Variants in DHX34 observed in about 807,000 individuals in gnomAD.
The protein encoded by DHX34 is DExH-box helicase 34.
DHX34 carries 96 observed loss-of-function variants against 111.1 expected under a neutral mutation model. The ratio of observed to expected loss-of-function variants is 0.86; its 90% CI spans 0.73 to 1.02. The LOEUF (loss-of-function observed/expected upper bound fraction) is 1.02, where lower values mean the gene tolerates loss of function less well. Among genes scored for constraint, DHX34 ranks in the 50% least tolerant of loss-of-function variants. The probability of loss-of-function intolerance (pLI) is 0.00; values close to 1 mark genes in which losing one functional copy is unlikely to be tolerated. For synonymous variants in DHX34, 688 were observed against 670.4 expected, an observed-to-expected ratio of 1.03 and a Z score of -0.41; for missense variants, 1,560 against 1,579.9, an observed-to-expected ratio of 0.99 and a Z score of 0.21.
Position 47,381,001 on chromosome 19 carries a change from G to A in DHX34, c.3159+9G>A, listed in dbSNP as rs1322042955. On this transcript the variant is annotated intron_variant, in intron 15 of 16. Transcript: ENST00000328771. ...CCTACAACTGCCTCACGGTAAGCAT[G>A]AACCCTCCTTCCCTGAAGGTGGGAT... 1.3e-6 allele frequency: 2 copies of A among 1,560,802 alleles called. No homozygotes were observed. Among genetic ancestry groups the A allele is most frequent in the African/African-American group, 2.7e-5 (2 of 73,144 alleles).
chr19:47,362,567 G>T lies in DHX34; in HGVS notation c.1467G>T (p.Lys489Asn). 6.2e-7 allele frequency: 1 copy of T among 1,613,366 alleles called. No homozygotes were observed. The highest frequency in any genetic ancestry group is 8.5e-7 in the Non-Finnish European group (1 of 1,179,802). ...GTCAGGCCAGCGCAGAGCAGCGGAAGGGCCGGGCGGGCCGCACGGGCCCCG... is the reference window on the plus strand; with the variant it reads ...GTCAGGCCAGCGCAGAGCAGCGGAATGGCCGGGCGGGCCGCACGGGCCCCG... ...WISQASAEQR[K>N]GRAGRTGPGV... Residue 489 changes from lysine (K) to asparagine (N), a missense_variant, in exon 6 of 17, where the codon AAG (lysine) becomes AAT (asparagine). Lys to Asn is a moderately conservative substitution (Grantham distance 94). Coordinates refer to ENST00000328771, the MANE Select transcript of DHX34 (RefSeq NM_014681.6).
intron 7 of DHX34, 94 bp from the exon 8 acceptor site, chr19:47,372,636 G>C: frequency 7.8e-7 from 1 of 1,280,746 alleles, no homozygotes; most frequent in Admixed American, 3.3e-5. Context: ...GTGGGAGCAG[G>C]AGGGCAGGCG....
chr19:47,366,938 C>T, intron 6 of DHX34, 43 bp from the exon 7 acceptor site: 1 of 1,505,998 alleles, frequency 6.6e-7, no homozygotes, highest in Non-Finnish European at 8.9e-7. Flanking sequence ...TGCACAGTGG[C>T]TCTTGTGTTC....
At chr19:47,370,025 C>G (rs1243115665) in intron 7 of DHX34, among the ~76,000 whole-genome samples, 1 of 152,138 alleles carries the variant, frequency 6.6e-6, no homozygotes, top group African/African-American at 2.4e-5. Context: ...TTGGGGCCAG[C>G]AGACCCTCTG....
At position 47,364,671 on chromosome 19, in the gene DHX34, G is replaced by A. The variant is rs117581181; in HGVS notation, c.1593+1978G>A. Among the ~76,000 whole-genome samples the A allele has an allele frequency of 6.8e-4, 103 of 152,266 alleles. No individual in the cohort carries two copies. In the East Asian group the frequency reaches 0.015, roughly 22 times the overall value. On this transcript the variant is annotated intron_variant, in intron 6 of 16. Coordinates refer to ENST00000328771, the MANE Select transcript of DHX34 (RefSeq NM_014681.6). ...GAGGATCGCTAGAGCCCAGGAGTTC[G>A]AGGCTGCAGTGAGCCTTGATTGCAT...
At chr19:47,365,504 A>G (rs1483731114) in intron 6 of DHX34, among the ~76,000 whole-genome samples, 6 of 152,110 alleles carry the variant, frequency 3.9e-5, no homozygotes, top group African/African-American at 1.4e-4. Context: ...TGCCTGCCTT[A>G]GCCTCCCAAA....
At chr19:47,379,076 C>T (rs1267796575) in intron 13 of DHX34, among the ~76,000 whole-genome samples, 3 of 151,666 alleles carry the variant, frequency 2.0e-5, no homozygotes, top group Non-Finnish European at 4.4e-5. Flanking sequence ...TTGCAGTGAG[C>T]CAAGATTGCG....
Position 47,362,505 on chromosome 19 carries a change from C to T in DHX34, c.1405C>T (p.Gln469Ter). 2 of 1,601,012 alleles carry T rather than the reference C, an allele frequency of 1.2e-6. No individual in the cohort carries two copies. Among genetic ancestry groups the T allele is most frequent in the South Asian group, 1.1e-5 (1 of 90,122 alleles). Residue 469 changes from glutamine (Q) to a stop codon, truncating the protein, a stop_gained, in exon 6 of 17, where the codon CAG becomes TAG. Coordinates refer to ENST00000328771, the MANE Select transcript of DHX34 (RefSeq NM_014681.6). LOFTEE classifies it high-confidence loss of function. ...GKVKEMSYDPQAKLQRLQEFW... is the reference protein window; with the variant it reads ...GKVKEMSYDP ...GGTGAAGGAGATGAGCTACGATCCGCAGGCCAAGCTGCAACGGCTGCAGGA... is the reference window on the plus strand; with the variant it reads ...GGTGAAGGAGATGAGCTACGATCCGTAGGCCAAGCTGCAACGGCTGCAGGA...
rs1969326491 is a variant in DHX34, at chr19:47,352,851, T to C, written c.-180T>C. On this transcript the variant is annotated 5_prime_UTR_variant, in exon 2 of 17. Transcript: ENST00000328771. ...TTTGTGTCACCAGCTCAAGCAGGCCTCTGGCCACTTTATCATCTGTGGTGG... is the reference window on the plus strand; with the variant it reads ...TTTGTGTCACCAGCTCAAGCAGGCCCCTGGCCACTTTATCATCTGTGGTGG... 1 of 1,333,006 alleles carries C rather than the reference T, an allele frequency of 7.5e-7. No individual in the cohort carries two copies. The highest frequency in any genetic ancestry group is 1.6e-5 in the South Asian group (1 of 63,114). The allele number at this position is 1,333,006 out of a possible 1,614,324, so 82.6% of individuals were successfully genotyped here.
rs1969570378 is a variant in DHX34, at chr19:47,359,809, A to G, written c.1273-159A>G. The G allele has an allele frequency of 3.1e-6, 3 of 980,364 alleles. No individual in the cohort carries two copies. In the African/African-American group the frequency reaches 5.3e-5, roughly 17 times the overall value. 60.7% of individuals were successfully genotyped at this position (980,364 alleles called of 1,614,324 possible). The stretch of plus-strand genomic sequence containing the variant: ...GGTGGGGGAGGGCCCAGGATGGCCC[A>G]GGTGATGGGGTGGACGGTGAGCCAT... On this transcript the variant is annotated intron_variant, in intron 4 of 16. Transcript: ENST00000328771.
At chr19:47,371,172 C>T (rs1469508483) in intron 7 of DHX34, among the ~76,000 whole-genome samples, 1 of 152,218 alleles carries the variant, frequency 6.6e-6, no homozygotes. Context: ...GCCCAGGAGG[C>T]TCCTGAGGGC....
Position 47,380,918 on chromosome 19 carries a change from A to C in DHX34, c.3085A>C (p.Ser1029Arg). 6.2e-7 allele frequency: 1 copy of C among 1,607,402 alleles called. No individual in the cohort carries two copies. The highest frequency in any genetic ancestry group is 8.5e-7 in the Non-Finnish European group (1 of 1,177,308). Residue 1029 changes from serine (S) to arginine (R), a missense_variant, in exon 15 of 17, where the codon AGC (serine) becomes CGC (arginine). Physicochemically the swap from Ser to Arg is moderately radical, Grantham distance 110 (BLOSUM62 -1). Coordinates refer to ENST00000328771, the MANE Select transcript of DHX34 (RefSeq NM_014681.6). ...ATPHLPGLFG[S>R]STLSPHPTKG... ...CCCCCATCTTCCTGGCCTCTTTGGC[A>C]GCTCCACCCTGTCCCCCCACCCCAC...
At chr19:47,361,909 T>C (rs1272947354) in intron 5 of DHX34, among the ~76,000 whole-genome samples, 3 of 152,194 alleles carry the variant, frequency 2.0e-5, no homozygotes, top group Non-Finnish European at 2.9e-5. Context: ...CAGTGCCTGG[T>C]ATATAGTAGG....
chr19:47,351,664 T>G (rs866499277), intron 1 of DHX34, among the ~76,000 whole-genome samples: 6 of 152,162 alleles, frequency 3.9e-5, no homozygotes, highest in Middle Eastern at 3.2e-3. Context: ...CTGATTATGA[T>G]GGATAAAATG....
chr19:47,368,622 G>A (rs951826933), intron 7 of DHX34, among the ~76,000 whole-genome samples: 4 of 147,106 alleles, frequency 2.7e-5, no homozygotes, highest in African/African-American at 1.0e-4. Flanking sequence ...ATGTGTGTGT[G>A]TGTGTGTGTA....
At chr19:47,370,660 T>C (rs557785529) in intron 7 of DHX34, among the ~76,000 whole-genome samples, 1 of 135,278 alleles carries the variant, frequency 7.4e-6, no homozygotes, top group African/African-American at 2.4e-5. Flanking sequence ...AAGAAGATGG[T>C]TCATTTTTGT....
Position 47,381,280 on chromosome 19 carries a change from C to T in DHX34, c.3254C>T (p.Ala1085Val). Residue 1085 changes from alanine (A) to valine (V), a missense_variant, in exon 16 of 17, where the codon GCC becomes GTC. By Grantham distance (64) the Ala-to-Val change is moderately conservative (BLOSUM62 0). Coordinates refer to ENST00000328771, the MANE Select transcript of DHX34 (RefSeq NM_014681.6). ...HAPLTPLERIAHENTCPQAPQ... is the reference protein window; with the variant it reads ...HAPLTPLERIVHENTCPQAPQ... Reference sequence around the variant, plus strand: ...CCCCTCACGCCCCTGGAGCGCATCGCCCATGAGAACACCTGCCCCCAGGCC... The same window carrying T: ...CCCCTCACGCCCCTGGAGCGCATCGTCCATGAGAACACCTGCCCCCAGGCC... 6.2e-7 allele frequency: 1 copy of T among 1,613,992 alleles called. No homozygotes were observed. Among genetic ancestry groups the T allele is most frequent in the Non-Finnish European group, 8.5e-7 (1 of 1,179,944 alleles).
chr19:47,368,965 C>G (rs559323032), intron 7 of DHX34, among the ~76,000 whole-genome samples: 5 of 152,228 alleles, frequency 3.3e-5, no homozygotes, highest in South Asian at 4.1e-4. Flanking sequence ...CTAACTGCCA[C>G]CTCCTGTGTT....
At chr19:47,352,631 C>T (rs568664840) in intron 1 of DHX34, 123 bp from the exon 2 acceptor site, 150 of 185,052 alleles carry the variant, frequency 8.1e-4, no homozygotes, top group Admixed American at 1.8e-3. Flanking sequence ...GCCATGATTA[C>T]GGCACTGCAC....
Sources: gnomAD v4.1 joint callset for allele counts (sites outside exome capture counted in the v4.1 genomes callset) on GRCh38, gnomAD v4.1.1 for gene constraint, MANE v1.5 for transcripts, NCBI Gene and HGNC (gene_info 2026-07-23, HGNC 2026-07-21) for gene names.